The following PLCB4 variants were observed in gnomAD, a reference collection of about 807,000 sequenced individuals.
PLCB4 encodes the protein 1-phosphatidylinositol 4,5-bisphosphate phosphodiesterase beta-4.
PLCB4 carries 77 observed loss-of-function variants against 178.8 expected under a neutral mutation model. That is an observed-to-expected ratio of 0.43 (90% CI 0.36 to 0.52). The LOEUF is 0.52. Among genes scored for constraint, PLCB4 ranks in the 20% least tolerant of loss-of-function variants. The pLI is 0.00. For missense variants in PLCB4, 1,024 were observed against 1,453.4 expected, an observed-to-expected ratio of 0.70 and a Z score of 4.80; for synonymous variants, 496 against 490.8, an observed-to-expected ratio of 1.01 and a Z score of -0.14.
At chr20:9,230,578 G>A (rs1021559617) in intron 3 of PLCB4, among the ~76,000 whole-genome samples, 6 of 152,060 alleles carry the variant, frequency 3.9e-5, no homozygotes, top group Non-Finnish European at 5.9e-5. Context: ...TAAAACAGTA[G>A]CCCCTCATTT....
intron 25 of PLCB4, among the ~76,000 whole-genome samples, chr20:9,413,614 G>A (rs574269571): frequency 1.0e-4 from 15 of 149,408 alleles, no homozygotes; most frequent in African/African-American, 2.7e-4. Context: ...AGCCAAGATC[G>A]TGCCACTGCA....
intron 3 of PLCB4, among the ~76,000 whole-genome samples, chr20:9,304,372 C>T (rs975852040): frequency 6.6e-6 from 1 of 151,530 alleles, no homozygotes; most frequent in Non-Finnish European, 1.5e-5. Context: ...CTGAAATTTC[C>T]TCTAGGGCCT....
chr20:9,265,835 G>A (rs1462930434), intron 3 of PLCB4, among the ~76,000 whole-genome samples: 1 of 152,184 alleles, frequency 6.6e-6, no homozygotes, highest in Non-Finnish European at 1.5e-5. Flanking sequence ...GCCTGGGCAA[G>A]CGGCAGCATG....
chr20:9,219,757 T>C (rs2093776208), intron 3 of PLCB4, among the ~76,000 whole-genome samples: 1 of 152,198 alleles, frequency 6.6e-6, no homozygotes, highest in South Asian at 2.1e-4. Context: ...AAAATCTGAT[T>C]CTTCTATAAT....
intron 4 of PLCB4, among the ~76,000 whole-genome samples, chr20:9,325,916 T>C (rs1247311417): frequency 6.6e-6 from 1 of 152,196 alleles, no homozygotes; most frequent in Non-Finnish European, 1.5e-5. Flanking sequence ...CTCACACTTC[T>C]GGAGGCTGCG....
rs565345114 is a variant in PLCB4 at position 9,390,084 on chromosome 20, A to T, written c.1238+126A>T. 7.2e-5 allele frequency: 43 copies of T among 593,972 alleles called. No homozygotes were observed. In the East Asian group the frequency reaches 1.1e-3, roughly 15 times the overall value. The allele number at this position is 593,972 out of a possible 1,614,324, so 36.8% of individuals were successfully genotyped here. On this transcript the variant is annotated intron_variant, in intron 16 of 39. Transcript: ENST00000378473. ...TTTTGTGAAGTACTAAGTTCAAATAATTCTCCAGCAAGGGCACCTACTCTT... is the reference window on the plus strand; with the variant it reads ...TTTTGTGAAGTACTAAGTTCAAATATTTCTCCAGCAAGGGCACCTACTCTT...
chr20:9,131,806 C>T (rs909299674), intron 2 of PLCB4, among the ~76,000 whole-genome samples: 23 of 152,066 alleles, frequency 1.5e-4, no homozygotes, highest in Admixed American at 1.4e-3. Flanking sequence ...GTTGATGGGA[C>T]ATTAGTAAAA....
intron 3 of PLCB4, among the ~76,000 whole-genome samples, chr20:9,227,262 T>C (rs1301792096): frequency 2.6e-5 from 4 of 152,106 alleles, no homozygotes; most frequent in Admixed American, 6.6e-5. Context: ...AGACTGTCTT[T>C]TCATTTTCTT....
chr20:9,349,359 C>G (rs961806948), intron 7 of PLCB4, among the ~76,000 whole-genome samples: 2 of 152,170 alleles, frequency 1.3e-5, no homozygotes, highest in African/African-American at 2.4e-5. Flanking sequence ...ACACACTTTC[C>G]TTTTTATATG....
Position 9,407,903 on chromosome 20 carries a change from C to T in PLCB4, c.1648-14C>T, listed in dbSNP as rs1436126914. On this transcript the variant is annotated splice_polypyrimidine_tract_variant and intron_variant, in intron 21 of 39. Coordinates refer to ENST00000378473, the MANE Select transcript of PLCB4 (RefSeq NM_001377142.1). ...AAGTCATCAACTTATATGTTTTCTT[C>T]CTTGTGCTTGTAGGGCCTGGTCACT... 15 of 1,604,638 alleles carry T rather than the reference C, an allele frequency of 9.3e-6. No homozygotes were observed. Among genetic ancestry groups the T allele is most frequent in the Non-Finnish European group, 1.2e-5 (14 of 1,176,956 alleles).
chr20:9,312,618 C>T (rs912832450), intron 4 of PLCB4, among the ~76,000 whole-genome samples: 1 of 152,118 alleles, frequency 6.6e-6, no homozygotes, highest in African/African-American at 2.4e-5. Context: ...ACAGGCTGTT[C>T]ATCAGCAAAG....
intron 35 of PLCB4, among the ~76,000 whole-genome samples, chr20:9,460,469 A>G (rs2043322082): frequency 6.6e-6 from 1 of 152,220 alleles, no homozygotes; most frequent in Non-Finnish European, 1.5e-5. Context: ...GTGAATTTTG[A>G]AAAGATAAGC....
At chr20:9,228,487 T>C (rs2093893500) in intron 3 of PLCB4, among the ~76,000 whole-genome samples, 1 of 152,164 alleles carries the variant, frequency 6.6e-6, no homozygotes, top group Admixed American at 6.5e-5. Flanking sequence ...CACTTCCAGA[T>C]GGTCTTTAAA....
At chr20:9,345,381 G>A (rs774247940) in intron 7 of PLCB4, among the ~76,000 whole-genome samples, 1 of 152,034 alleles carries the variant, frequency 6.6e-6, no homozygotes, top group Non-Finnish European at 1.5e-5. Flanking sequence ...TTCCTCTCAT[G>A]TTTTCTTTTG....
At chr20:9,473,974 T>C (rs1221884566) in intron 38 of PLCB4, among the ~76,000 whole-genome samples, 1 of 152,172 alleles carries the variant, frequency 6.6e-6, no homozygotes, top group African/African-American at 2.4e-5. Context: ...ATCCCAGCAC[T>C]TTGAGAGGCC....
intron 19 of PLCB4, among the ~76,000 whole-genome samples, chr20:9,398,714 T>TATTATTATTATTATTA (rs1452357417): frequency 6.6e-6 from 1 of 151,864 alleles, no homozygotes; most frequent in African/African-American, 2.4e-5. Context: ...TTATTATTAT[T>TATTATTATTATTATTA]TTTGAGATGG....
intron 1 of PLCB4, among the ~76,000 whole-genome samples, chr20:9,086,522 C>T (rs2090430241): frequency 6.6e-6 from 1 of 152,112 alleles, no homozygotes; most frequent in Non-Finnish European, 1.5e-5. Context: ...GCAGTATCCT[C>T]ATTCTACAGA....
At chr20:9,319,314 A>G (rs181015730) in intron 4 of PLCB4, among the ~76,000 whole-genome samples, 1 of 152,270 alleles carries the variant, frequency 6.6e-6, no homozygotes, top group Admixed American at 6.5e-5. Flanking sequence ...ATGCCACTGA[A>G]TTCCCTATTC....
At chr20:9,226,457 G>C (rs2147322486) in intron 3 of PLCB4, among the ~76,000 whole-genome samples, 1 of 152,298 alleles carries the variant, frequency 6.6e-6, no homozygotes, top group African/African-American at 2.4e-5. Flanking sequence ...TTTGTCACCT[G>C]GCTGGATACA....
Sources: gnomAD v4.1 joint callset for allele counts (sites outside exome capture counted in the v4.1 genomes callset) on GRCh38, gnomAD v4.1.1 for gene constraint, MANE v1.5 for transcripts, NCBI Gene and HGNC (gene_info 2026-07-23, HGNC 2026-07-21) for gene names.